CALY: variants seen among roughly 807,000 people sequenced by gnomAD.
The protein encoded by CALY is neuron-specific vesicular protein calcyon.
In CALY, 15 loss-of-function variants were observed where a neutral mutation model predicts 20.2. The observed-to-expected ratio is 0.74, with a 90% confidence interval of 0.50 to 1.14. The LOEUF (loss-of-function observed/expected upper bound fraction) is 1.14. Among genes scored for constraint, CALY ranks in the 50% most tolerant of loss-of-function variants. The pLI, the probability that CALY is intolerant of heterozygous loss-of-function variation, is 0.00. For missense variants in CALY, 270 were observed against 304.4 expected (o/e 0.89, Z 0.84); for synonymous variants, 129 against 131.8 (o/e 0.98, Z 0.15).
intron 1 of CALY, among the ~76,000 whole-genome samples, chr10:133,335,690 A>G (rs1848428390): frequency 6.6e-6 from 1 of 152,128 alleles, no homozygotes; most frequent in African/African-American, 2.4e-5. Context: ...CCTCCCACGG[A>G]TGACACGCGG....
chr10:133,327,863 C>A (rs973007753), intron 3 of CALY, 42 bp downstream of exon 3: 3 of 1,356,640 alleles, frequency 2.2e-6, no homozygotes, highest in Admixed American at 3.5e-5. Context: ...ACCTTCTCCT[C>A]CTGTCCTGAG....
chr10:133,326,812 C>T (rs1848220719), intron 4 of CALY, 66 bp downstream of exon 4: 2 of 1,058,596 alleles, frequency 1.9e-6, no homozygotes, highest in Non-Finnish European at 2.9e-6. Flanking sequence ...CCCTGCCACC[C>T]CCTGCCTGGA....
intron 1 of CALY, among the ~76,000 whole-genome samples, chr10:133,336,564 C>T (rs1848448222): frequency 6.6e-6 from 1 of 152,090 alleles, no homozygotes; most frequent in South Asian, 2.1e-4. Context: ...AGCCTGGAGA[C>T]CACCGCCCTC....
At chr10:133,329,392 C>CTTCTTCTTCTTTT (rs549430070) in intron 1 of CALY, among the ~76,000 whole-genome samples, 1 of 137,448 alleles carries the variant, frequency 7.3e-6, no homozygotes, top group African/African-American at 2.9e-5. Context: ...TCTTCTTCTT[C>CTTCTTCTTCTTTT]TTTTTTTTTT....
At chr10:133,331,016 A>C (rs898374387) in intron 1 of CALY, among the ~76,000 whole-genome samples, 1 of 152,242 alleles carries the variant, frequency 6.6e-6, no homozygotes, top group Admixed American at 6.5e-5. Context: ...TTTGACAAGC[A>C]ATCATATTTT....
intron 1 of CALY, among the ~76,000 whole-genome samples, chr10:133,330,445 C>T (rs551213426): frequency 6.7e-6 from 1 of 149,210 alleles, no homozygotes; most frequent in Non-Finnish European, 1.5e-5. Flanking sequence ...GTCACGAGGT[C>T]AGGAGATCGA....
At chr10:133,335,944 G>A (rs549979470) in intron 1 of CALY, among the ~76,000 whole-genome samples, 1 of 152,304 alleles carries the variant, frequency 6.6e-6, no homozygotes, top group South Asian at 2.1e-4. Context: ...CAGGCTCTCA[G>A]TCGAAAGTCC....
At position 133,325,798 on chromosome 10, in the gene CALY, C is replaced by A. The variant is rs773196323; in HGVS notation, c.*28+1G>T. The A allele has an allele frequency of 1.2e-5, 14 of 1,174,444 alleles. No homozygotes were observed. The African/African-American group carries it at 2.2e-4, about 19-fold the overall frequency. 72.8% of individuals were successfully genotyped at this position (1,174,444 alleles called of 1,614,324 possible). A position where few individuals can be genotyped will look rare whatever the true frequency, so the allele number is the denominator to read the frequency against. ...GCCGGAGCCCCGCGGCGCGCACCTA[C>A]CCCGGGCCGGGCTGCGGGGCTGGAG... On this transcript the variant is annotated splice_donor_variant, in intron 5 of 5. Transcript: ENST00000252939. LOFTEE classifies it low-confidence loss of function (3UTR_SPLICE).
intron 1 of CALY, among the ~76,000 whole-genome samples, chr10:133,329,276 G>C (rs550252912): frequency 6.6e-6 from 1 of 152,360 alleles, no homozygotes; most frequent in South Asian, 2.1e-4. Flanking sequence ...TGTCCACGAA[G>C]CAGGGGGAGA....
rs938330889 is a variant in CALY at position 133,324,853 on chromosome 10, A to G, written c.*742T>C. On this transcript the variant is annotated 3_prime_UTR_variant, in exon 6 of 6. Coordinates refer to ENST00000252939, the MANE Select transcript of CALY (RefSeq NM_015722.4). ...TGGCGTTTCAGCCTCACCATCTTTC[A>G]TCTGGCTCCAGGGACACGGGAGACC... is the stretch of plus-strand genomic sequence containing the variant. 74 of 294,640 alleles carry G rather than the reference A, an allele frequency of 2.5e-4. No individual in the cohort carries two copies. Among genetic ancestry groups the G allele is most frequent in the Non-Finnish European group, 4.5e-4 (68 of 150,420 alleles). 18.3% of individuals were successfully genotyped at this position (294,640 alleles called of 1,614,324 possible).
At chr10:133,327,796 G>A (rs756438646) in intron 3 of CALY, 109 bp downstream of exon 3, 2 of 770,462 alleles carry the variant, frequency 2.6e-6, no homozygotes, top group Middle Eastern at 2.2e-4. Context: ...TCCTCCCTGA[G>A]AGCAAGGGGA....
At chr10:133,335,134 G>A (rs1446841275) in intron 1 of CALY, among the ~76,000 whole-genome samples, 1 of 152,156 alleles carries the variant, frequency 6.6e-6, no homozygotes, top group African/African-American at 2.4e-5. Flanking sequence ...TGGTTGTGGG[G>A]CGAGGGCAGC....
At chr10:133,328,251 T>G (rs978023656) in intron 2 of CALY, among the ~76,000 whole-genome samples, 1 of 152,226 alleles carries the variant, frequency 6.6e-6, no homozygotes, top group Admixed American at 6.5e-5. Flanking sequence ...CTGGCTGGGC[T>G]GCTGACAGAG....
intron 1 of CALY, among the ~76,000 whole-genome samples, chr10:133,332,738 C>T (rs1483286633): frequency 1.3e-5 from 2 of 152,156 alleles, no homozygotes; most frequent in Admixed American, 6.5e-5. Context: ...AAAATAAACT[C>T]GTCCTGAATC....
Position 133,324,279 on chromosome 10 carries a change from A to T in CALY, c.*1316T>A, listed in dbSNP as rs1343705356. On this transcript the variant is annotated 3_prime_UTR_variant, in exon 6 of 6. Coordinates refer to ENST00000252939, the MANE Select transcript of CALY (RefSeq NM_015722.4). The stretch of plus-strand genomic sequence containing the variant: ...GGTGTGCATGGCCCTGCCTTCCCTG[A>T]CCCCACCTGGCTGGCTTCCAGCTCA... 2 of 452,140 alleles carry T rather than the reference A, an allele frequency of 4.4e-6. No individual in the cohort carries two copies. Among genetic ancestry groups the T allele is most frequent in the African/African-American group, 2.0e-5 (1 of 49,846 alleles). 28.0% of individuals were successfully genotyped at this position (452,140 alleles called of 1,614,324 possible).
rs140113139 is a variant in CALY, at chr10:133,327,562, G to A, written c.246+343C>T. On this transcript the variant is annotated intron_variant, in intron 3 of 5. Transcript: ENST00000252939. ...AGAGAAGATATTTGCCAGATATACTGCAGAAAGGAAGTATTACATAGAAAG... is the reference window on the plus strand; with the variant it reads ...AGAGAAGATATTTGCCAGATATACTACAGAAAGGAAGTATTACATAGAAAG... 4.8e-5 allele frequency: 28 copies of A among 582,630 alleles called. No individual in the cohort carries two copies. The African/African-American group carries it at 5.0e-4, about 10-fold the overall frequency. The allele number at this position is 582,630 out of a possible 1,614,324, so 36.1% of individuals were successfully genotyped here.
chr10:133,327,715 G>A (rs956010174), intron 3 of CALY, 190 bp downstream of exon 3: 19 of 685,926 alleles, frequency 2.8e-5, no homozygotes, highest in African/African-American at 1.4e-4. Flanking sequence ...CTGCAGCCTC[G>A]GGAGGGGGCC....
At chr10:133,326,368 C>G (rs1848210572) in intron 4 of CALY, 2 of 1,125,178 alleles carry the variant, frequency 1.8e-6, no homozygotes. Context: ...ACCTGCCCAG[C>G]GCAGCAAGGA....
chr10:133,326,803 C>T (rs1564785556), intron 4 of CALY, 75 bp downstream of exon 4: 1 of 935,274 alleles, frequency 1.1e-6, no homozygotes. Context: ...AGGAGACACC[C>T]CTGCCACCCC....
Sources: allele counts gnomAD v4.1 joint callset (sites outside exome capture counted in the v4.1 genomes callset), GRCh38; gene constraint gnomAD v4.1.1; transcripts MANE v1.5; gene names NCBI Gene and HGNC (gene_info 2026-07-23, HGNC 2026-07-21).